IL10RA: variants seen among roughly 807,000 people sequenced by gnomAD.
IL10RA encodes the protein interleukin-10 receptor subunit alpha.
Under a neutral mutation model 29.6 loss-of-function variants are expected in IL10RA, and 18 were observed. The observed-to-expected ratio is 0.61, with a 90% confidence interval of 0.42 to 0.90. The LOEUF (loss-of-function observed/expected upper bound fraction) is 0.90. IL10RA is among the 40% of genes least tolerant of loss of function. IL10RA has a pLI of 0.00. For synonymous variants in IL10RA, 292 were observed against 294.1 expected (o/e 0.99, Z 0.07); for missense variants, 634 against 716.6 (o/e 0.88, Z 1.32).
chr11:118,001,646 A>G, downstream of IL10RA: 1 of 346,202 alleles, frequency 2.9e-6, no homozygotes, highest in Non-Finnish European at 5.7e-6. Context: ...TCCTCATGCT[A>G]CCTGTATTGT....
Position 118,000,465 on chromosome 11 carries a change from C to G in IL10RA, c.*824C>G. The G allele has an allele frequency of 2.2e-6, 1 of 454,270 alleles. No individual in the cohort carries two copies. Among genetic ancestry groups the G allele is most frequent in the South Asian group, 1.6e-5 (1 of 64,478 alleles). The allele number at this position is 454,270 out of a possible 1,614,324, so 28.1% of individuals were successfully genotyped here. ...ATCTTGCTGACAACTTCCAGAGAAG[C>G]CATGGTTTTTTGTATTGGTCATAAC... On this transcript the variant is annotated 3_prime_UTR_variant, in exon 7 of 7. Coordinates refer to ENST00000227752, the MANE Select transcript of IL10RA (RefSeq NM_001558.4).
chr11:117,993,036 G>A (rs2058033623), intron 3 of IL10RA: 1 of 583,782 alleles, frequency 1.7e-6, no homozygotes, highest in African/African-American at 1.9e-5. Flanking sequence ...TCCATTGGTT[G>A]ATGCATCTGA....
Position 117,999,847 on chromosome 11 carries a change from T to TA in IL10RA, c.*206_*207insA. On this transcript the variant is annotated 3_prime_UTR_variant, in exon 7 of 7. Coordinates refer to ENST00000227752, the MANE Select transcript of IL10RA (RefSeq NM_001558.4). ...CAACTCACTGAACTAGTGCAGGGTA[T>TA]GTGGGTGGCACTGACCTGTTCTGTT... 5.8e-6 allele frequency: 4 copies of TA among 694,656 alleles called. No homozygotes were observed. The highest frequency in any genetic ancestry group is 3.7e-4 in the Middle Eastern group (1 of 2,730). The allele number at this position is 694,656 out of a possible 1,614,324, so 43.0% of individuals were successfully genotyped here.
At chr11:117,992,577 G>A (rs4252267) in intron 3 of IL10RA, among the ~76,000 whole-genome samples, 18,577 of 152,184 alleles carry the variant, frequency 0.12, 1,212 homozygotes, top group African/African-American at 0.15. Context: ...TGAGTTCCTT[G>A]TATATTTTGG....
rs2058081615 is a variant in IL10RA, at chr11:117,999,707, C to T, written c.*66C>T. 11 of 1,432,246 alleles carry T rather than the reference C, an allele frequency of 7.7e-6. No individual in the cohort carries two copies. In the East Asian group the frequency reaches 2.5e-4, roughly 33 times the overall value. 88.7% of individuals were successfully genotyped at this position (1,432,246 alleles called of 1,614,324 possible). A position where few individuals can be genotyped will look rare whatever the true frequency, so the allele number is the denominator to read the frequency against. On this transcript the variant is annotated 3_prime_UTR_variant, in exon 7 of 7. Coordinates refer to ENST00000227752, the MANE Select transcript of IL10RA (RefSeq NM_001558.4). ...TCCTCTGCCTGGACCAGGAGGAGGG[C>T]CCCTGGGGCAGAAGTTAGGCACGAG... is the stretch of plus-strand genomic sequence containing the variant.
At chr11:117,988,035 G>A (rs557131162) in intron 1 of IL10RA, 1 of 376,866 alleles carries the variant, frequency 2.7e-6, no homozygotes, top group African/African-American at 2.1e-5. Flanking sequence ...CTAGAGCAGG[G>A]ACAGGGATTG....
At chr11:117,996,477 T>A (rs908548205) in intron 6 of IL10RA, among the ~76,000 whole-genome samples, 1 of 152,234 alleles carries the variant, frequency 6.6e-6, no homozygotes, top group Non-Finnish European at 1.5e-5. Flanking sequence ...TCAGGCCGCA[T>A]TGAAGATTGC....
chr11:117,997,504 A>G (rs918478637), intron 6 of IL10RA, among the ~76,000 whole-genome samples: 1 of 152,218 alleles, frequency 6.6e-6, no homozygotes, highest in Non-Finnish European at 1.5e-5. Context: ...GCAATGTGAT[A>G]GGAATAGGGA....
At chr11:117,996,068 G>A (rs909530642) in intron 6 of IL10RA, among the ~76,000 whole-genome samples, 4 of 152,220 alleles carry the variant, frequency 2.6e-5, no homozygotes, top group Non-Finnish European at 4.4e-5. Context: ...TCATAAGTGA[G>A]GAAACTGAGG....
At chr11:117,993,900 G>A (rs750008102) in intron 4 of IL10RA, 99 bp from the exon 5 acceptor site, 3 of 943,970 alleles carry the variant, frequency 3.2e-6, no homozygotes, top group South Asian at 2.7e-5. Flanking sequence ...GGATACTGAA[G>A]GGGGTTGGCT....
rs1328731348 is a variant in IL10RA, at chr11:117,986,990, C to T, written c.67+456C>T. ...CTCACTGATCACCCCGATCTGATCC[C>T]CCTTGCTCCACCTGTAGCCCCCAAC... On this transcript the variant is annotated intron_variant, in intron 1 of 6. Coordinates refer to ENST00000227752, the MANE Select transcript of IL10RA (RefSeq NM_001558.4). 1.4e-5 allele frequency: 7 copies of T among 510,950 alleles called. No individual in the cohort carries two copies. In the African/African-American group the frequency reaches 1.4e-4, roughly 10 times the overall value. The allele number at this position is 510,950 out of a possible 1,614,324, so 31.7% of individuals were successfully genotyped here.
intron 6 of IL10RA, 98 bp from the exon 7 acceptor site, chr11:117,998,617 C>T (rs566157018): frequency 1.3e-4 from 122 of 961,782 alleles, no homozygotes; most frequent in Middle Eastern, 6.8e-4. Context: ...TAGTCTCCTC[C>T]ATCGAGCTCT....
chr11:117,992,176 T>A (rs2058027118), intron 3 of IL10RA, among the ~76,000 whole-genome samples: 1 of 152,260 alleles, frequency 6.6e-6, no homozygotes, highest in Admixed American at 6.5e-5. Context: ...TACAGGTATC[T>A]CTTCAATACA....
chr11:117,989,296 G>A lies in IL10RA; in HGVS notation c.189-146G>A. The A allele has an allele frequency of 2.6e-6, 2 of 763,218 alleles. No individual in the cohort carries two copies. Among genetic ancestry groups the A allele is most frequent in the South Asian group, 2.9e-5 (2 of 69,888 alleles). The allele number at this position is 763,218 out of a possible 1,614,324, so 47.3% of individuals were successfully genotyped here. A position where few individuals can be genotyped will look rare whatever the true frequency, so the allele number is the denominator to read the frequency against. ...GACCAAGGGAGACCCCTCACAATGA[G>A]CTGCCGTGGACTAGAGGATATAGCC... On this transcript the variant is annotated intron_variant, in intron 2 of 6. Coordinates refer to ENST00000227752, the MANE Select transcript of IL10RA (RefSeq NM_001558.4). The surrounding 1 kb of genome is among the most constrained non-coding windows in gnomAD (Gnocchi z 4.5).
chr11:117,996,843 A>G (rs1177650240), intron 6 of IL10RA, among the ~76,000 whole-genome samples: 1 of 152,168 alleles, frequency 6.6e-6, no homozygotes, highest in Non-Finnish European at 1.5e-5. Flanking sequence ...TCGGCCTCCC[A>G]AAGTGCTAGG....
chr11:117,994,402 G>A (rs1433930185), intron 5 of IL10RA, among the ~76,000 whole-genome samples: 1 of 152,118 alleles, frequency 6.6e-6, no homozygotes, highest in East Asian at 1.9e-4. Context: ...TGGATCTAGG[G>A]TCCTCCCACT....
At chr11:117,988,118 C>T in intron 1 of IL10RA, 1 of 526,286 alleles carries the variant, frequency 1.9e-6, no homozygotes, top group Non-Finnish European at 3.5e-6. Flanking sequence ...GCCTTCTTCC[C>T]TGGTAGGCAT....
chr11:117,986,948 C>T, intron 1 of IL10RA: 1 of 776,282 alleles, frequency 1.3e-6, no homozygotes. Context: ...TGTCCTTCTC[C>T]CATCTCACCT....
chr11:117,989,698 C>T lies in IL10RA; in HGVS notation c.367+78C>T. The stretch of plus-strand genomic sequence containing the variant: ...GAACTCTAGTCTAGAGCTTTTCTGT[C>T]TATTACCATAGCTCACCATGTCTGC... On this transcript the variant is annotated intron_variant, in intron 3 of 6. Transcript: ENST00000227752. This position sits in a 1 kb window ranked among gnomAD's most constrained non-coding sequence, Gnocchi z 4.5. 1.4e-6 allele frequency: 2 copies of T among 1,420,710 alleles called. No individual in the cohort carries two copies. Among genetic ancestry groups the T allele is most frequent in the Admixed American group, 1.9e-5 (1 of 53,554 alleles). The allele number at this position is 1,420,710 out of a possible 1,614,324, so 88.0% of individuals were successfully genotyped here.
Sources: gnomAD v4.1 joint callset for allele counts (sites outside exome capture counted in the v4.1 genomes callset) on GRCh38, gnomAD v4.1.1 for gene constraint, Gnocchi (gnomAD v3.1) non-coding constraint, MANE v1.5 for transcripts, NCBI Gene and HGNC (gene_info 2026-07-23, HGNC 2026-07-21) for gene names.